TLK2: variants seen among roughly 807,000 people sequenced by gnomAD.
TLK2 encodes serine/threonine-protein kinase tousled-like 2.
In TLK2, 6 loss-of-function variants were observed where a neutral mutation model predicts 117.3. The ratio of observed to expected loss-of-function variants is 0.05; its 90% CI spans 0.03 to 0.10. TLK2 has a LOEUF of 0.10. TLK2 is among the 10% of genes least tolerant of loss of function. The pLI is 1.00. For missense variants in TLK2, 299 were observed against 901.2 expected, an observed-to-expected ratio of 0.33 and a Z score of 8.56; for synonymous variants, 257 against 316.7, an observed-to-expected ratio of 0.81 and a Z score of 2.00.
rs1367834129 is a variant in TLK2 at position 62,612,381 on chromosome 17, C to T, written c.2080-11C>T. The T allele has an allele frequency of 6.2e-7, 1 of 1,611,516 alleles. No homozygotes were observed. Among genetic ancestry groups the T allele is most frequent in the Admixed American group, 1.7e-5 (1 of 59,800 alleles). ...TATCTGCCTCTGTCTTCAAGAAACT[C>T]TCCTTTGCAGGCGTTTATTCGACGA... On this transcript the variant is annotated splice_polypyrimidine_tract_variant and intron_variant, in intron 21 of 21. Coordinates refer to ENST00000346027, the MANE Select transcript of TLK2 (RefSeq NM_006852.6).
chr17:62,612,219 TCTC>T (rs2083848654), intron 21 of TLK2, 170 bp from the exon 22 acceptor site: 1 of 593,570 alleles, frequency 1.7e-6, no homozygotes, highest in African/African-American at 1.9e-5. Context: ...TGTTGGTGCT[TCTC>T]CTTCCCTTGT....
chr17:62,523,406 C>T (rs1442709086), intron 5 of TLK2, among the ~76,000 whole-genome samples: 2 of 152,212 alleles, frequency 1.3e-5, no homozygotes, highest in East Asian at 3.9e-4. Flanking sequence ...TGGGGAAACC[C>T]TGTCTCTACA....
At chr17:62,475,354 T>A (rs890268703), upstream of TLK2, among the ~76,000 whole-genome samples, 10 of 152,004 alleles carry the variant, frequency 6.6e-5, no homozygotes, top group African/African-American at 1.5e-4. Context: ...TAATAATAAT[T>A]ATTATTTTAG....
At chr17:62,608,836 G>T (rs1429457992) in intron 21 of TLK2, among the ~76,000 whole-genome samples, 5 of 105,642 alleles carry the variant, frequency 4.7e-5, no homozygotes, top group Non-Finnish European at 5.9e-5. Context: ...GTTGCAGTTG[G>T]TGAGGGCATA....
chr17:62,567,471 A>G (rs1295587768), intron 11 of TLK2, among the ~76,000 whole-genome samples: 2 of 152,228 alleles, frequency 1.3e-5, no homozygotes, highest in African/African-American at 2.4e-5. Context: ...ATTTTAAGTC[A>G]TATAAATGGC....
chr17:62,472,728 A>G (rs1424521790), intron 1 of TLK2, among the ~76,000 whole-genome samples: 1 of 138,670 alleles, frequency 7.2e-6, no homozygotes, highest in African/African-American at 2.7e-5. Context: ...ACGGAGCAAG[A>G]CCCCGTCTCA....
intron 2 of TLK2, 140 bp from the exon 3 acceptor site, chr17:62,520,633 C>T (rs1240356092): frequency 5.4e-6 from 4 of 737,612 alleles, no homozygotes; most frequent in South Asian, 3.9e-5. Flanking sequence ...GCCGAGATCA[C>T]GCCATTGTAT....
At chr17:62,512,861 A>ATTATTATTATT (rs370355895) in intron 2 of TLK2, among the ~76,000 whole-genome samples, 25 of 141,164 alleles carry the variant, frequency 1.8e-4, no homozygotes, top group Admixed American at 4.3e-4. Context: ...AAAATTTATT[A>ATTATTATTATT]ATTATTATTA....
chr17:62,559,446 T>A (rs2079096319), intron 9 of TLK2, among the ~76,000 whole-genome samples: 1 of 151,898 alleles, frequency 6.6e-6, no homozygotes, highest in Non-Finnish European at 1.5e-5. Context: ...TGGCGTGATC[T>A]TGGCTCACTG....
intron 11 of TLK2, among the ~76,000 whole-genome samples, chr17:62,565,651 C>CA (rs5821367): frequency 0.036 from 3,656 of 101,050 alleles, 308 homozygotes; most frequent in African/African-American, 0.12. Flanking sequence ...GACTCCATCT[C>CA]AAAAAAAAAA....
intron 12 of TLK2, among the ~76,000 whole-genome samples, chr17:62,574,574 G>GT (rs2080613637): frequency 6.6e-6 from 1 of 151,898 alleles, no homozygotes; most frequent in East Asian, 1.9e-4. Context: ...CCAGAGTGCA[G>GT]TGGTGCTATC....
intron 16 of TLK2, among the ~76,000 whole-genome samples, chr17:62,594,715 C>T (rs1013983035): frequency 1.3e-5 from 2 of 151,872 alleles, no homozygotes; most frequent in African/African-American, 4.8e-5. Context: ...TGAGGGTGGC[C>T]AGAGCCTATA....
At chr17:62,573,519 A>G (rs2080487715) in intron 12 of TLK2, 152 bp downstream of exon 12, 1 of 1,081,838 alleles carries the variant, frequency 9.2e-7, no homozygotes, top group African/African-American at 1.6e-5. Flanking sequence ...AACTCATATA[A>G]ATGCCATATA....
chr17:62,601,570 G>A (rs549757371), intron 18 of TLK2, among the ~76,000 whole-genome samples: 1 of 152,336 alleles, frequency 6.6e-6, no homozygotes, highest in East Asian at 1.9e-4. Context: ...TTTTGTGAAT[G>A]AATTTTCCAT....
chr17:62,565,246 A>T, intron 11 of TLK2, 109 bp downstream of exon 11: 1 of 1,391,384 alleles, frequency 7.2e-7, no homozygotes, highest in Non-Finnish European at 9.6e-7. Flanking sequence ...TCATCTTTTC[A>T]GTTAGTTTTT....
At chr17:62,477,242 G>A (rs573602752), upstream of TLK2, among the ~76,000 whole-genome samples, 1 of 152,300 alleles carries the variant, frequency 6.6e-6, no homozygotes, top group South Asian at 2.1e-4. Flanking sequence ...GTGGAGGCTG[G>A]CCTCGAGTGG....
intron 11 of TLK2, among the ~76,000 whole-genome samples, chr17:62,567,438 T>A (rs1041003589): frequency 1.3e-5 from 2 of 152,220 alleles, no homozygotes; most frequent in Non-Finnish European, 2.9e-5. Context: ...CTCTTCACTG[T>A]AGGTGGATAG....
rs146822136 is a variant in TLK2, at chr17:62,501,730, C to T, written c.82-19043C>T. On this transcript the variant is annotated intron_variant, in intron 2 of 21. Transcript: ENST00000346027. ...GTCCCAGCACTTTGGGAGGCTAAGG[C>T]AGGAGGATCACTTGAGCCCAGGAGT... Among the ~76,000 whole-genome samples the T allele has an allele frequency of 5.2e-3, 791 of 151,584 alleles. 5 individuals carry two copies. Among genetic ancestry groups the T allele is most frequent in the African/African-American group, 0.018 (753 of 41,306 alleles).
intron 15 of TLK2, among the ~76,000 whole-genome samples, chr17:62,585,269 G>T (rs990460140): frequency 6.6e-6 from 1 of 152,336 alleles, no homozygotes; most frequent in Non-Finnish European, 1.5e-5. Flanking sequence ...TCGGCCAGGC[G>T]CAGTGGCTCA....
Sources: allele counts gnomAD v4.1 joint callset (sites outside exome capture counted in the v4.1 genomes callset), GRCh38; gene constraint gnomAD v4.1.1; transcripts MANE v1.5; gene names NCBI Gene and HGNC (gene_info 2026-07-23, HGNC 2026-07-21).